DTL: variants seen among roughly 807,000 people sequenced by gnomAD.
The protein encoded by DTL is denticleless E3 ubiquitin protein ligase adapter.
DTL carries 46 observed loss-of-function variants against 87.0 expected under a neutral mutation model. The observed-to-expected ratio is 0.53, with a 90% CI of 0.42 to 0.68. DTL has a LOEUF of 0.68. DTL is among the 30% of genes least tolerant of loss of function. The pLI, the probability that DTL is intolerant of heterozygous loss-of-function variation, is 0.00. For missense variants in DTL, 737 were observed against 869.4 expected (o/e 0.85, Z 1.91); for synonymous variants, 308 against 311.2 (o/e 0.99, Z 0.11).
At chr1:212,071,855 G>C (rs185995409) in intron 10 of DTL, among the ~76,000 whole-genome samples, 47 of 152,120 alleles carry the variant, frequency 3.1e-4, no homozygotes, top group African/African-American at 8.9e-4. Flanking sequence ...TTTTTCTCTT[G>C]ATATTGCCAT....
At chr1:212,039,951 T>C (rs1321681021) in intron 1 of DTL, among the ~76,000 whole-genome samples, 1 of 152,236 alleles carries the variant, frequency 6.6e-6, no homozygotes, top group Non-Finnish European at 1.5e-5. Context: ...TATACTACTG[T>C]AGACTTTATA....
intron 5 of DTL, among the ~76,000 whole-genome samples, chr1:212,055,677 T>G (rs1042165243): frequency 6.6e-6 from 1 of 152,142 alleles, no homozygotes; most frequent in Non-Finnish European, 1.5e-5. Context: ...GCAACCCCAC[T>G]CTGCATGTCA....
chr1:212,065,049 T>C lies in DTL; in HGVS notation c.639+20T>C, dbSNP rs1458054892. 9 of 1,532,146 alleles carry C rather than the reference T, an allele frequency of 5.9e-6. No individual in the cohort carries two copies. The highest frequency in any genetic ancestry group is 1.4e-5 in the African/African-American group (1 of 73,196). The allele number at this position is 1,532,146 out of a possible 1,614,324, so 94.9% of individuals were successfully genotyped here. A position where few individuals can be genotyped will look rare whatever the true frequency, so the allele number is the denominator to read the frequency against. ...TCTGTGGTAAGGTTTTACAGATGTA[T>C]ACATGTGTGCAGATCTTATCTGTAG... On this transcript the variant is annotated intron_variant, in intron 7 of 14. Coordinates refer to ENST00000366991, the MANE Select transcript of DTL (RefSeq NM_016448.4).
At position 212,102,927 on chromosome 1, in the gene DTL, C is replaced by T; in HGVS notation, c.2180C>T (p.Ser727Leu). 6.3e-7 allele frequency: 1 copy of T among 1,595,276 alleles called. No individual in the cohort carries two copies. Among genetic ancestry groups the T allele is most frequent in the Non-Finnish European group, 8.6e-7 (1 of 1,163,858 alleles). Residue 727 changes from serine to leucine, a missense_variant, in exon 15 of 15, where the codon TCA becomes TTA. Transcript: ENST00000366991. ...GAGGACTTCTGTGGTCCTGAACACT[C>T]AACAGAATTATAGATTCTAATCTGA... ...SQEDFCGPEH[S>L]TEL is the part of the protein sequence containing the mutation.
At chr1:212,064,247 G>A (rs1654424838) in intron 6 of DTL, among the ~76,000 whole-genome samples, 1 of 152,064 alleles carries the variant, frequency 6.6e-6, no homozygotes, top group Non-Finnish European at 1.5e-5. Flanking sequence ...CAGCAAAACT[G>A]AGCAGAAAGT....
At chr1:212,053,857 G>A (rs762132941) in intron 5 of DTL, among the ~76,000 whole-genome samples, 2 of 152,170 alleles carry the variant, frequency 1.3e-5, no homozygotes, top group Non-Finnish European at 2.9e-5. Flanking sequence ...AACCTTATCT[G>A]ATAAATCAAT....
At chr1:212,053,174 C>G (rs1468137195) in intron 5 of DTL, among the ~76,000 whole-genome samples, 1 of 151,974 alleles carries the variant, frequency 6.6e-6, no homozygotes, top group African/African-American at 2.4e-5. Flanking sequence ...TTAATTTGTC[C>G]TAAAGTTCAC....
chr1:212,095,321 A>C (rs1294715940), intron 13 of DTL, among the ~76,000 whole-genome samples: 1 of 152,106 alleles, frequency 6.6e-6, no homozygotes, highest in Non-Finnish European at 1.5e-5. Flanking sequence ...GGATTTTGTC[A>C]GACGTTTTTT....
At chr1:212,078,469 T>A (rs1192473718) in intron 12 of DTL, among the ~76,000 whole-genome samples, 3 of 152,154 alleles carry the variant, frequency 2.0e-5, no homozygotes, top group Non-Finnish European at 4.4e-5. Context: ...CCCTGTGAAA[T>A]AAGGATAGAT....
At chr1:212,073,905 GT>G (rs1335077018) in intron 11 of DTL, among the ~76,000 whole-genome samples, 1 of 151,798 alleles carries the variant, frequency 6.6e-6, no homozygotes, top group East Asian at 1.9e-4. Flanking sequence ...TTCAAATTTG[GT>G]CTTAATGCTT....
intron 13 of DTL, among the ~76,000 whole-genome samples, chr1:212,083,129 A>T (rs1187552194): frequency 1.3e-5 from 2 of 152,254 alleles, no homozygotes; most frequent in Admixed American, 1.3e-4. Context: ...TTAATGACTT[A>T]CAGTTCCACA....
intron 11 of DTL, among the ~76,000 whole-genome samples, chr1:212,075,849 A>G (rs1280969938): frequency 6.6e-6 from 1 of 152,118 alleles, no homozygotes; most frequent in Middle Eastern, 3.2e-3. Flanking sequence ...CCAGAAAAAA[A>G]CCCGTGTCCT....
intron 1 of DTL, among the ~76,000 whole-genome samples, chr1:212,038,872 A>G (rs1324285562): frequency 3.3e-5 from 5 of 152,228 alleles, no homozygotes; most frequent in African/African-American, 4.8e-5. Context: ...TAAAAATGCT[A>G]TATCACTCCT....
At chr1:212,088,170 T>C (rs986197678) in intron 13 of DTL, among the ~76,000 whole-genome samples, 3 of 152,176 alleles carry the variant, frequency 2.0e-5, no homozygotes, top group African/African-American at 7.2e-5. Context: ...ATTGAGAACC[T>C]CTGGTTTAGG....
At chr1:212,101,162 T>TTG in intron 14 of DTL, 78 bp downstream of exon 14, 1 of 418,600 alleles carries the variant, frequency 2.4e-6, no homozygotes, top group Non-Finnish European at 3.1e-6. Flanking sequence ...GTCAGGATGC[T>TTG]TTTTTTTTTT....
At position 212,104,904 on chromosome 1, in the gene DTL, A is replaced by G. The variant is rs1045352797; in HGVS notation, c.*1964A>G. The G allele has an allele frequency of 5.3e-5, 8 of 152,228 alleles. No individual in the cohort carries two copies. Among genetic ancestry groups the G allele is most frequent in the African/African-American group, 1.9e-4 (8 of 41,454 alleles). 9.4% of individuals were successfully genotyped at this position (152,228 alleles called of 1,614,324 possible). On this transcript the variant is annotated 3_prime_UTR_variant, in exon 15 of 15. Coordinates refer to ENST00000366991, the MANE Select transcript of DTL (RefSeq NM_016448.4). ...TAGAAGCAGTCTACAAAAAAGAACT[A>G]TAGTAGTCAAGAATCCCTTCTACTT...
intron 1 of DTL, among the ~76,000 whole-genome samples, chr1:212,040,736 C>G (rs1667614865): frequency 6.6e-6 from 1 of 152,182 alleles, no homozygotes; most frequent in Non-Finnish European, 1.5e-5. Flanking sequence ...GTGACAGACA[C>G]AGCAGCTAAG....
intron 14 of DTL, among the ~76,000 whole-genome samples, chr1:212,101,532 T>C (rs1209353468): frequency 3.3e-5 from 5 of 152,230 alleles, no homozygotes; most frequent in Admixed American, 6.5e-5. Flanking sequence ...CATCCATAAG[T>C]AGATTTCCAG....
intron 13 of DTL, among the ~76,000 whole-genome samples, chr1:212,088,793 T>C (rs1391026497): frequency 1.3e-5 from 2 of 152,164 alleles, no homozygotes; most frequent in African/African-American, 2.4e-5. Flanking sequence ...CAAACTCATA[T>C]AGAAAGAAGC....
Sources: allele counts gnomAD v4.1 joint callset (sites outside exome capture counted in the v4.1 genomes callset), GRCh38; gene constraint gnomAD v4.1.1; transcripts MANE v1.5; gene names NCBI Gene and HGNC (gene_info 2026-07-23, HGNC 2026-07-21).